SYT9: variants seen among roughly 807,000 people sequenced by gnomAD.
SYT9 encodes the protein synaptotagmin-9.
Under a neutral mutation model 48.4 loss-of-function variants are expected in SYT9, and 22 were observed. The observed-to-expected ratio is 0.45, with a 90% CI of 0.32 to 0.65. SYT9 has a LOEUF of 0.65. Ranked by LOEUF, SYT9 falls within the 30% of genes least tolerant of loss-of-function variation. The pLI is 0.03. For missense variants in SYT9, 577 were observed against 622.0 expected, an observed-to-expected ratio of 0.93 and a Z score of 0.77; for synonymous variants, 265 against 245.0, an observed-to-expected ratio of 1.08 and a Z score of -0.76.
chr11:7,239,691 T>C (rs1847720757), intron 1 of SYT9, among the ~76,000 whole-genome samples: 1 of 152,078 alleles, frequency 6.6e-6, no homozygotes. Flanking sequence ...TGGTGGTTCG[T>C]ATTAGGGTAA....
At chr11:7,333,869 C>A (rs1030966094) in intron 3 of SYT9, among the ~76,000 whole-genome samples, 6 of 152,130 alleles carry the variant, frequency 3.9e-5, no homozygotes, top group African/African-American at 1.4e-4. Context: ...CCTCTTGGGG[C>A]TTTTGGTTTT....
intron 3 of SYT9, among the ~76,000 whole-genome samples, chr11:7,321,398 G>A (rs1849335645): frequency 6.6e-6 from 1 of 152,222 alleles, no homozygotes; most frequent in Non-Finnish European, 1.5e-5. Flanking sequence ...ATTCAGGGAA[G>A]TCCAGAGTGC....
intron 1 of SYT9, among the ~76,000 whole-genome samples, chr11:7,286,521 G>C (rs114889330): frequency 0.094 from 14,247 of 152,212 alleles, 1,043 homozygotes; most frequent in African/African-American, 0.21. Context: ...TCCTCATTGT[G>C]TTCATGATTA....
intron 1 of SYT9, among the ~76,000 whole-genome samples, chr11:7,299,432 T>A (rs937339212): frequency 6.6e-6 from 1 of 152,110 alleles, no homozygotes; most frequent in Non-Finnish European, 1.5e-5. Context: ...ACTATTGGTG[T>A]TTCCTATAGG....
intron 1 of SYT9, among the ~76,000 whole-genome samples, chr11:7,273,350 TTTTG>T (rs367927862): frequency 2.6e-4 from 39 of 152,272 alleles, no homozygotes; most frequent in African/African-American, 8.9e-4. Context: ...TGTTTTTGTT[TTTTG>T]TTTGTTTGTT....
At chr11:7,282,351 C>G (rs1340581076) in intron 1 of SYT9, among the ~76,000 whole-genome samples, 2 of 152,182 alleles carry the variant, frequency 1.3e-5, no homozygotes, top group Non-Finnish European at 2.9e-5. Flanking sequence ...TCTCTTCAAG[C>G]CAAGTTGATT....
At chr11:7,272,537 A>T (rs193290032) in intron 1 of SYT9, among the ~76,000 whole-genome samples, 14 of 151,470 alleles carry the variant, frequency 9.2e-5, no homozygotes, top group Admixed American at 9.2e-4. Flanking sequence ...CTAGCTATTC[A>T]CTCATCACGT....
chr11:7,315,579 T>C, intron 3 of SYT9, among the ~76,000 whole-genome samples: 1 of 152,202 alleles, frequency 6.6e-6, no homozygotes, highest in Non-Finnish European at 1.5e-5. Context: ...GAGAGGTTAT[T>C]AGAAAGTTCA....
At chr11:7,326,482 T>C (rs1474190183) in intron 3 of SYT9, among the ~76,000 whole-genome samples, 3 of 145,432 alleles carry the variant, frequency 2.1e-5, no homozygotes, top group African/African-American at 7.7e-5. Flanking sequence ...TTTTTTATTG[T>C]GCCTATTTGA....
intron 1 of SYT9, among the ~76,000 whole-genome samples, chr11:7,244,693 C>T (rs1007158717): frequency 2.4e-4 from 37 of 152,174 alleles, no homozygotes; most frequent in African/African-American, 8.7e-4. Context: ...TTGTTAAAGG[C>T]AACTATCTGG....
chr11:7,438,040 C>A (rs1449224361), intron 6 of SYT9: 1 of 152,202 alleles, frequency 6.6e-6, no homozygotes, highest in African/African-American at 2.4e-5. Context: ...AGATGAAGCA[C>A]CGGCCTGTAA....
At chr11:7,412,094 C>A (rs1041951309) in intron 3 of SYT9, among the ~76,000 whole-genome samples, 5 of 152,028 alleles carry the variant, frequency 3.3e-5, no homozygotes, top group African/African-American at 1.2e-4. Context: ...GAATTCTTTT[C>A]CAATTTTCTG....
chr11:7,246,475 T>C (rs1006761099), intron 1 of SYT9, among the ~76,000 whole-genome samples: 14 of 152,286 alleles, frequency 9.2e-5, no homozygotes, highest in African/African-American at 2.6e-4. Context: ...TGGGGAAAGG[T>C]AACATATTTC....
chr11:7,328,159 A>G (rs1849469265), intron 3 of SYT9, among the ~76,000 whole-genome samples: 1 of 151,828 alleles, frequency 6.6e-6, no homozygotes, highest in Non-Finnish European at 1.5e-5. Flanking sequence ...TTAACTTACA[A>G]ATTTCCTACA....
At chr11:7,291,534 C>T (rs1295420525) in intron 1 of SYT9, among the ~76,000 whole-genome samples, 1 of 152,164 alleles carries the variant, frequency 6.6e-6, no homozygotes, top group African/African-American at 2.4e-5. Context: ...TTGCTCCCAA[C>T]AGCTCACCAG....
At chr11:7,290,922 A>T (rs888249011) in intron 1 of SYT9, among the ~76,000 whole-genome samples, 1 of 152,174 alleles carries the variant, frequency 6.6e-6, no homozygotes, top group Non-Finnish European at 1.5e-5. Context: ...TATAACAAAG[A>T]TATGGTCAGG....
intron 6 of SYT9, among the ~76,000 whole-genome samples, chr11:7,423,329 G>A (rs900127824): frequency 6.6e-6 from 1 of 152,226 alleles, no homozygotes; most frequent in Non-Finnish European, 1.5e-5. Context: ...ATGAAAAACA[G>A]TATTGGAGAG....
intron 1 of SYT9, among the ~76,000 whole-genome samples, chr11:7,239,644 C>T: frequency 6.6e-6 from 1 of 152,108 alleles, no homozygotes. Context: ...ATACAGTCTG[C>T]TTTAGACAGT....
chr11:7,454,699 A>G (rs1848115876), intron 6 of SYT9, among the ~76,000 whole-genome samples: 1 of 152,210 alleles, frequency 6.6e-6, no homozygotes, highest in Non-Finnish European at 1.5e-5. Context: ...CCTGGGCATT[A>G]CCTTTAATAA....
Sources: allele counts gnomAD v4.1 joint callset (sites outside exome capture counted in the v4.1 genomes callset), GRCh38; gene constraint gnomAD v4.1.1; transcripts MANE v1.5; gene names NCBI Gene and HGNC (gene_info 2026-07-23, HGNC 2026-07-21).